GYPC: variants seen among roughly 807,000 people sequenced by gnomAD.
GYPC encodes glycophorin C (Gerbich blood group), also known as glycophorin-C.
A neutral mutation model predicts 12.6 loss-of-function variants in GYPC; 14 were observed. The ratio of observed to expected loss-of-function variants is 1.11; its 90% confidence interval spans 0.74 to 1.74. The LOEUF is 1.74. Among genes scored for constraint, GYPC ranks in the 40% most tolerant of loss-of-function variants. GYPC has a pLI of 0.00. For missense variants in GYPC, 225 were observed against 172.1 expected, an observed-to-expected ratio of 1.31 and a Z score of -1.72; for synonymous variants, 78 against 62.1, an observed-to-expected ratio of 1.26 and a Z score of -1.20.
At chr2:126,670,599 G>C (rs1171505787) in intron 1 of GYPC, among the ~76,000 whole-genome samples, 1 of 152,148 alleles carries the variant, frequency 6.6e-6, no homozygotes, top group Non-Finnish European at 1.5e-5. Flanking sequence ...AGGCTTCGAG[G>C]GGGCCAGGCT....
Position 126,693,874 on chromosome 2 carries a change from A to T in GYPC, c.117A>T (p.Pro39=). ...GTCCTCTGTTCACAGAGCCTGATCC[A>T]GGGATGTCTGGATGGCCGGATGGCA... The part of the protein sequence containing the change: ...MHTTTIAEPD[P]GMSGWPDGRM... The change falls in exon 3 of 4, where the codon CCA becomes CCT. Residue 39 remains proline, a synonymous_variant. Coordinates refer to ENST00000259254, the MANE Select transcript of GYPC (RefSeq NM_002101.5). 1 of 1,609,034 alleles carries T rather than the reference A, an allele frequency of 6.2e-7. No homozygotes were observed. The highest frequency in any genetic ancestry group is 1.1e-5 in the South Asian group (1 of 90,980).
chr2:126,688,049 A>G (rs1683341370), intron 1 of GYPC, among the ~76,000 whole-genome samples: 1 of 152,230 alleles, frequency 6.6e-6, no homozygotes, highest in Non-Finnish European at 1.5e-5. Context: ...GCAGCTGCCA[A>G]ATCTGGAAAA....
intron 1 of GYPC, among the ~76,000 whole-genome samples, chr2:126,662,591 C>T (rs1165403410): frequency 2.6e-5 from 4 of 152,130 alleles, no homozygotes; most frequent in Non-Finnish European, 4.4e-5. Flanking sequence ...AGCAGGGTCC[C>T]GCACTTCCTA....
chr2:126,682,587 T>C (rs979065491), intron 1 of GYPC, among the ~76,000 whole-genome samples: 5 of 152,222 alleles, frequency 3.3e-5, no homozygotes, highest in African/African-American at 9.6e-5. Flanking sequence ...TTAAGGACTC[T>C]GTTCTCCTTC....
intron 1 of GYPC, among the ~76,000 whole-genome samples, chr2:126,676,461 G>A (rs537337483): frequency 2.0e-5 from 3 of 152,294 alleles, no homozygotes; most frequent in Admixed American, 2.0e-4. Flanking sequence ...GTGAAACAAA[G>A]TCTAAGTTAG....
At chr2:126,663,168 G>T (rs1260148855) in intron 1 of GYPC, among the ~76,000 whole-genome samples, 2 of 152,196 alleles carry the variant, frequency 1.3e-5, no homozygotes, top group Non-Finnish European at 1.5e-5. Flanking sequence ...CTCCCGAGTT[G>T]CTGGGATTAC....
rs771654332 is a variant in GYPC, at chr2:126,656,321, C to T, written c.49+9C>T. ...GTGGCCTCTCAGCCTCGGTGAGTACCCGCCGTGGGGAAGGGTCCTGGGGAC... is the reference window on the plus strand; with the variant it reads ...GTGGCCTCTCAGCCTCGGTGAGTACTCGCCGTGGGGAAGGGTCCTGGGGAC... On this transcript the variant is annotated intron_variant, in intron 1 of 3. Coordinates refer to ENST00000259254, the MANE Select transcript of GYPC (RefSeq NM_002101.5). 2.5e-6 allele frequency: 4 copies of T among 1,590,180 alleles called. No homozygotes were observed. The highest frequency in any genetic ancestry group is 3.4e-6 in the Non-Finnish European group (4 of 1,169,866).
At chr2:126,676,110 C>T (rs1682989011) in intron 1 of GYPC, among the ~76,000 whole-genome samples, 1 of 152,226 alleles carries the variant, frequency 6.6e-6, no homozygotes, top group African/African-American at 2.4e-5. Context: ...AGAAACAGAT[C>T]CACCCCTGTA....
intron 1 of GYPC, among the ~76,000 whole-genome samples, chr2:126,660,500 C>T (rs539000283): frequency 2.0e-5 from 3 of 152,306 alleles, no homozygotes; most frequent in East Asian, 1.9e-4. Flanking sequence ...GCCTAGAAAA[C>T]GACCCACCAC....
At chr2:126,693,240 A>G (rs1683530173) in intron 2 of GYPC, among the ~76,000 whole-genome samples, 2 of 152,210 alleles carry the variant, frequency 1.3e-5, no homozygotes, top group Non-Finnish European at 2.9e-5. Context: ...GCAGGTTGTT[A>G]TAAAAGCAAA....
At chr2:126,659,500 C>G (rs1360094225) in intron 1 of GYPC, among the ~76,000 whole-genome samples, 1 of 152,198 alleles carries the variant, frequency 6.6e-6, no homozygotes, top group Non-Finnish European at 1.5e-5. Flanking sequence ...GGAATGATAA[C>G]AGCCACTTCC....
At chr2:126,667,406 T>C (rs867894920) in intron 1 of GYPC, among the ~76,000 whole-genome samples, 4 of 140,576 alleles carry the variant, frequency 2.8e-5, no homozygotes, top group African/African-American at 5.4e-5. Context: ...TTTTTTTTTC[T>C]TTTTTTTTTT....
rs772466743 is a variant in GYPC at position 126,656,227 on chromosome 2, C to T, written c.-37C>T. 6.9e-6 allele frequency: 11 copies of T among 1,585,472 alleles called. No individual in the cohort carries two copies. In the South Asian group the frequency reaches 1.3e-4, roughly 18 times the overall value. On this transcript the variant is annotated 5_prime_UTR_variant, in exon 1 of 4. Coordinates refer to ENST00000259254, the MANE Select transcript of GYPC (RefSeq NM_002101.5). ...CCGGCCCGGCCTGGCCCGGCCTGGC[C>T]AGTCCCCGCGGTCTCTGCCCGGGCT...
chr2:126,690,388 A>G, intron 2 of GYPC, 77 bp downstream of exon 2: 2 of 1,092,006 alleles, frequency 1.8e-6, no homozygotes, highest in Non-Finnish European at 2.8e-6. Context: ...AGAGCCCTTT[A>G]AGCAGCCAGG....
intron 2 of GYPC, 54 bp downstream of exon 2, chr2:126,690,365 G>T: frequency 7.7e-7 from 1 of 1,304,500 alleles, no homozygotes; most frequent in Middle Eastern, 1.8e-4. Flanking sequence ...GACTTCAGAT[G>T]AGCTCTCATC....
intron 1 of GYPC, among the ~76,000 whole-genome samples, chr2:126,673,483 C>T (rs1038669029): frequency 2.0e-5 from 3 of 152,140 alleles, no homozygotes; most frequent in African/African-American, 4.8e-5. Context: ...TGTCATTATG[C>T]CCTTGTTTAA....
intron 1 of GYPC, among the ~76,000 whole-genome samples, chr2:126,677,440 A>C (rs1683028000): frequency 6.8e-6 from 1 of 147,694 alleles, no homozygotes; most frequent in African/African-American, 2.5e-5. Context: ...AGAGAGTAGG[A>C]GTGTGTGTGT....
intron 1 of GYPC, among the ~76,000 whole-genome samples, chr2:126,682,567 C>T (rs1366120964): frequency 6.6e-6 from 1 of 152,216 alleles, no homozygotes; most frequent in Non-Finnish European, 1.5e-5. Context: ...CCCTCAGCTT[C>T]AGTTCCCTCT....
intron 1 of GYPC, among the ~76,000 whole-genome samples, chr2:126,688,303 AC>A (rs766633749): frequency 6.6e-6 from 1 of 152,206 alleles, no homozygotes; most frequent in African/African-American, 2.4e-5. Flanking sequence ...ATCCATGCCT[AC>A]TTAAGCAAGA....
Sources: gnomAD v4.1 joint callset for allele counts (sites outside exome capture counted in the v4.1 genomes callset) on GRCh38, gnomAD v4.1.1 for gene constraint, MANE v1.5 for transcripts, NCBI Gene and HGNC (gene_info 2026-07-23, HGNC 2026-07-21) for gene names.